The following ANXA1 variants were observed in gnomAD, a reference collection of about 807,000 sequenced individuals.
The protein encoded by ANXA1 is annexin A1.
In ANXA1, 39 loss-of-function variants were observed where a neutral mutation model predicts 47.9. The ratio of observed to expected loss-of-function variants is 0.81; its 90% confidence interval spans 0.63 to 1.06. The LOEUF (loss-of-function observed/expected upper bound fraction) is 1.06. ANXA1 is among the 50% of genes least tolerant of loss of function. ANXA1 has a pLI of 0.00. For missense variants in ANXA1, 446 were observed against 422.7 expected (o/e 1.06, Z -0.48); for synonymous variants, 146 against 142.5 (o/e 1.02, Z -0.17).
intron 6 of ANXA1, 25 bp downstream of exon 6, chr9:73,160,918 A>G (rs756133271): frequency 1.4e-6 from 2 of 1,457,518 alleles, no homozygotes; most frequent in South Asian, 2.4e-5. Context: ...CCAACAGTCC[A>G]AACGCCTTAT....
chr9:73,158,361 T>G (rs941146512), intron 1 of ANXA1, 161 bp from the exon 2 acceptor site: 2 of 581,428 alleles, frequency 3.4e-6, no homozygotes, highest in Admixed American at 3.0e-5. Flanking sequence ...TTAAAAAAAA[T>G]TACGTCTTAC....
At chr9:73,161,833 T>C (rs1253600564) in intron 6 of ANXA1, among the ~76,000 whole-genome samples, 1 of 152,218 alleles carries the variant, frequency 6.6e-6, no homozygotes, top group Non-Finnish European at 1.5e-5. Context: ...ATATTTTTCA[T>C]ATGGCCAAGA....
intron 11 of ANXA1, 152 bp from the exon 12 acceptor site, chr9:73,168,880 G>GAT: frequency 2.5e-6 from 1 of 401,832 alleles, no homozygotes; most frequent in Non-Finnish European, 4.6e-6. Flanking sequence ...ATTCGTGTAA[G>GAT]GTGTGTGTGT....
chr9:73,164,963 C>G (rs1824202272), intron 8 of ANXA1, among the ~76,000 whole-genome samples, 153 bp from the exon 9 acceptor site: 1 of 152,130 alleles, frequency 6.6e-6, no homozygotes, highest in Admixed American at 6.6e-5. Context: ...AATAAGGTCC[C>G]TATCTTTAAA....
At position 73,160,326 on chromosome 9, in the gene ANXA1, C is replaced by T. The variant is rs1208253097; in HGVS notation, c.334C>T (p.Leu112=). 1 of 1,588,250 alleles carries T rather than the reference C, an allele frequency of 6.3e-7. No individual in the cohort carries two copies. Among genetic ancestry groups the T allele is most frequent in the Non-Finnish European group, 8.5e-7 (1 of 1,172,186 alleles). Reference sequence around the variant, plus strand: ...CCTTGAGGAGGTTGTTTTAGCTCTGCTAAAAACTCCAGCGCAATTTGATGC... The same window carrying T: ...CCTTGAGGAGGTTGTTTTAGCTCTGTTAAAAACTCCAGCGCAATTTGATGC... The part of the protein sequence containing the change: ...GHLEEVVLAL[L]KTPAQFDADE... The change falls in exon 5 of 13, where the codon CTA becomes TTA. Residue 112 remains leucine (L), a synonymous_variant. Coordinates refer to ENST00000257497, the MANE Select transcript of ANXA1 (RefSeq NM_000700.3).
At chr9:73,159,519 A>AC in intron 4 of ANXA1, 96 bp downstream of exon 4, 1 of 1,001,972 alleles carries the variant, frequency 1.0e-6, no homozygotes, top group Non-Finnish European at 1.5e-6. Flanking sequence ...TAAGGTTCTA[A>AC]CCACTGTTTT....
chr9:73,155,928 T>C (rs1192132412), intron 1 of ANXA1, among the ~76,000 whole-genome samples: 1 of 151,166 alleles, frequency 6.6e-6, no homozygotes, highest in African/African-American at 2.4e-5. Context: ...CTGGCTTTTT[T>C]TTTAAATGGA....
chr9:73,156,902 T>C (rs1588217407), intron 1 of ANXA1, among the ~76,000 whole-genome samples: 1 of 152,148 alleles, frequency 6.6e-6, no homozygotes, highest in African/African-American at 2.4e-5. Context: ...ACTAAAAGGA[T>C]CTGTGATGGC....
chr9:73,168,652 G>A (rs528425372), intron 11 of ANXA1: 2 of 156,542 alleles, frequency 1.3e-5, no homozygotes, highest in South Asian at 1.9e-4. Flanking sequence ...GCAGGATATC[G>A]GAAGCCCTGA....
At chr9:73,159,501 T>C (rs1252589251) in intron 4 of ANXA1, 78 bp downstream of exon 4, 6 of 1,277,506 alleles carry the variant, frequency 4.7e-6, no homozygotes, top group African/African-American at 4.4e-5. Context: ...CACAGTTACC[T>C]AGTTCTTTAA....
intron 11 of ANXA1, chr9:73,168,751 C>CT (rs1322592810): frequency 9.9e-6 from 2 of 202,828 alleles, no homozygotes; most frequent in Non-Finnish European, 2.0e-5. Flanking sequence ...TAGAAGTTCC[C>CT]TTTTTTTGTA....
chr9:73,163,783 T>C (rs1824183102), intron 8 of ANXA1, among the ~76,000 whole-genome samples: 1 of 152,176 alleles, frequency 6.6e-6, no homozygotes, highest in Admixed American at 6.6e-5. Context: ...ATTTGATTTG[T>C]CATTCCCAAG....
intron 12 of ANXA1, 63 bp from the exon 13 acceptor site, chr9:73,169,988 T>TAA: frequency 8.3e-7 from 1 of 1,211,036 alleles, no homozygotes; most frequent in Non-Finnish European, 1.2e-6. Context: ...CTTCTATAAG[T>TAA]AAAAAAAAAT....
intron 1 of ANXA1, among the ~76,000 whole-genome samples, chr9:73,157,469 C>A (rs1218510389): frequency 6.6e-6 from 1 of 151,744 alleles, no homozygotes; most frequent in East Asian, 1.9e-4. Context: ...GCCTAGCCAA[C>A]ATGGTGAAAA....
chr9:73,168,907 G>C, intron 11 of ANXA1, 125 bp from the exon 12 acceptor site: 1 of 723,064 alleles, frequency 1.4e-6, no homozygotes, highest in Admixed American at 2.5e-5. Flanking sequence ...GTGTGTGTGT[G>C]TGTGTATAGC....
chr9:73,160,592 T>C (rs992725916), intron 5 of ANXA1, among the ~76,000 whole-genome samples: 3 of 152,182 alleles, frequency 2.0e-5, no homozygotes, highest in Non-Finnish European at 4.4e-5. Flanking sequence ...ATATGAGTCA[T>C]ATATTTGCAT....
intron 1 of ANXA1, among the ~76,000 whole-genome samples, chr9:73,155,071 A>C (rs1416823285): frequency 2.0e-5 from 3 of 152,208 alleles, no homozygotes; most frequent in African/African-American, 7.2e-5. Flanking sequence ...TATGCAAAAA[A>C]ATTGCTACGC....
chr9:73,159,067 T>C (rs752875643), intron 3 of ANXA1, among the ~76,000 whole-genome samples: 2 of 152,196 alleles, frequency 1.3e-5, no homozygotes, highest in African/African-American at 4.8e-5. Flanking sequence ...TGTTCACATA[T>C]AGAGTTGCAA....
At chr9:73,161,812 TAA>T (rs1824147918) in intron 6 of ANXA1, among the ~76,000 whole-genome samples, 1 of 152,188 alleles carries the variant, frequency 6.6e-6, no homozygotes, top group Non-Finnish European at 1.5e-5. Context: ...TTTATAAAAA[TAA>T]GTGTTTATAT....
Sources: gnomAD v4.1 joint callset for allele counts (sites outside exome capture counted in the v4.1 genomes callset) on GRCh38, gnomAD v4.1.1 for gene constraint, MANE v1.5 for transcripts, NCBI Gene and HGNC (gene_info 2026-07-23, HGNC 2026-07-21) for gene names.